The following DYRK1A variants were observed in gnomAD, a reference collection of about 807,000 sequenced individuals.
The protein encoded by DYRK1A is dual specificity tyrosine-phosphorylation-regulated kinase 1A.
A neutral mutation model predicts 79.7 loss-of-function variants in DYRK1A; 9 were observed. The ratio of observed to expected loss-of-function variants is 0.11; its 90% CI spans 0.07 to 0.20. The LOEUF (loss-of-function observed/expected upper bound fraction) is 0.20. DYRK1A is among the 10% of genes least tolerant of loss of function. The pLI is 1.00. For synonymous variants in DYRK1A, 349 were observed against 329.7 expected (o/e 1.06, Z -0.63); for missense variants, 622 against 956.0 (o/e 0.65, Z 4.61).
chr21:37,503,160 C>T (rs1461449374), intron 9 of DYRK1A: 1 of 152,098 alleles, frequency 6.6e-6, no homozygotes, highest in African/African-American at 2.4e-5. Flanking sequence ...GTGGGTTGAT[C>T]TCTATCATCA....
At chr21:37,442,061 C>T (rs2051123605) in intron 2 of DYRK1A, among the ~76,000 whole-genome samples, 1 of 151,146 alleles carries the variant, frequency 6.6e-6, no homozygotes, top group African/African-American at 2.4e-5. Flanking sequence ...CATCTGCTCT[C>T]TCGCATTGTT....
rs1954255327 is a variant in DYRK1A, at chr21:37,519,396, A to G, written c.*6865A>G. The G allele has an allele frequency of 6.6e-6, 1 of 152,250 alleles. No individual in the cohort carries two copies. The highest frequency in any genetic ancestry group is 2.4e-5 in the African/African-American group (1 of 41,456). The allele number at this position is 152,250 out of a possible 1,614,324, so 9.4% of individuals were successfully genotyped here. On this transcript the variant is annotated 3_prime_UTR_variant, in exon 12 of 12. Transcript: ENST00000647188. ...ACTGTCCGCTTTGTACAATGGAGAT[A>G]CCTATAGTGTCCACTTAGGAGATGC...
chr21:37,517,330 G>A lies in DYRK1A; in HGVS notation c.*4799G>A, dbSNP rs902333974. ...GGGAGGCCGGGCGATGCTGGCATGG[G>A]TGTGGTTGGCCGAGTTCTCATAGCT... On this transcript the variant is annotated 3_prime_UTR_variant, in exon 12 of 12. Transcript: ENST00000647188. 2 of 152,324 alleles carry A rather than the reference G, an allele frequency of 1.3e-5. No homozygotes were observed. Among genetic ancestry groups the A allele is most frequent in the African/African-American group, 4.8e-5 (2 of 41,458 alleles). The allele number at this position is 152,324 out of a possible 1,614,324, so 9.4% of individuals were successfully genotyped here.
chr21:37,501,705 A>G (rs1280810519), intron 9 of DYRK1A: 1 of 152,168 alleles, frequency 6.6e-6, no homozygotes. Flanking sequence ...TGTGTGCTTG[A>G]TAAGAATTGT....
intron 3 of DYRK1A, among the ~76,000 whole-genome samples, chr21:37,474,345 C>T: frequency 6.6e-6 from 1 of 152,274 alleles, no homozygotes; most frequent in Middle Eastern, 3.4e-3. Context: ...ATTTCACTTA[C>T]TATTTCTGTT....
intron 2 of DYRK1A, among the ~76,000 whole-genome samples, chr21:37,458,299 T>TGTGTGTGTGTGTGTGTGTGTGTGTGC (rs886271557): frequency 3.3e-5 from 5 of 151,570 alleles, no homozygotes; most frequent in African/African-American, 1.2e-4. Context: ...TGTGTGTGTG[T>TGTGTGTGTGTGTGTGTGTGTGTGTGC]GTGTGTGTAC....
intron 2 of DYRK1A, among the ~76,000 whole-genome samples, chr21:37,453,229 C>T (rs1051809189): frequency 1.3e-5 from 2 of 152,200 alleles, no homozygotes; most frequent in Non-Finnish European, 2.9e-5. Context: ...AGGTATTTTA[C>T]ATTTTATGTT....
At chr21:37,497,894 G>A (rs1052775362) in intron 9 of DYRK1A, among the ~76,000 whole-genome samples, 2 of 151,986 alleles carry the variant, frequency 1.3e-5, no homozygotes, top group East Asian at 1.9e-4. Context: ...TATTTTAGTC[G>A]CACTTAGCAA....
At chr21:37,482,147 C>T (rs1386358561) in intron 5 of DYRK1A, among the ~76,000 whole-genome samples, 2 of 152,140 alleles carry the variant, frequency 1.3e-5, no homozygotes, top group African/African-American at 4.8e-5. Flanking sequence ...TGTTCCTGCC[C>T]TGAGAGAACA....
intron 2 of DYRK1A, chr21:37,464,301 C>T (rs563921449): frequency 4.0e-6 from 2 of 500,976 alleles, no homozygotes; most frequent in African/African-American, 3.9e-5. Context: ...AATATGGTCT[C>T]TAGTTATTAT....
chr21:37,394,223 A>G (rs2049920036), intron 1 of DYRK1A, among the ~76,000 whole-genome samples: 1 of 124,262 alleles, frequency 8.0e-6, no homozygotes, highest in Admixed American at 8.1e-5. Context: ...TTTTTTTTAA[A>G]CCCTTTTTTT....
chr21:37,381,125 T>G (rs1006948975), intron 1 of DYRK1A, among the ~76,000 whole-genome samples: 32 of 152,240 alleles, frequency 2.1e-4, no homozygotes, highest in African/African-American at 7.7e-4. Flanking sequence ...GCTTGGCACA[T>G]AGTAAACACT....
chr21:37,479,623 T>TTGTTTTTG (rs1555979765), intron 4 of DYRK1A, among the ~76,000 whole-genome samples: 7 of 106,590 alleles, frequency 6.6e-5, no homozygotes, highest in African/African-American at 3.0e-4. Context: ...TTTTTTGTTT[T>TTGTTTTTG]TTTTTTTTTT....
At chr21:37,449,193 G>A (rs1294989822) in intron 2 of DYRK1A, among the ~76,000 whole-genome samples, 1 of 152,166 alleles carries the variant, frequency 6.6e-6, no homozygotes, top group African/African-American at 2.4e-5. Context: ...GCTGAGAAAT[G>A]ACATTTAATT....
intron 1 of DYRK1A, among the ~76,000 whole-genome samples, chr21:37,395,535 T>C (rs1278342232): frequency 2.6e-5 from 4 of 152,186 alleles, no homozygotes; most frequent in Non-Finnish European, 5.9e-5. Context: ...TTAATTTCCC[T>C]TGTTAAGAAT....
At chr21:37,434,499 A>G (rs181212895) in intron 2 of DYRK1A, among the ~76,000 whole-genome samples, 8 of 152,306 alleles carry the variant, frequency 5.3e-5, no homozygotes, top group African/African-American at 1.2e-4. Context: ...CTTTAAAACT[A>G]TCTTTGTAGC....
In DYRK1A at chr21:37,518,392, C is replaced by G. The variant is rs983056554; in HGVS notation, c.*5861C>G. The G allele has an allele frequency of 6.6e-6, 1 of 152,260 alleles. No homozygotes were observed. Among genetic ancestry groups the G allele is most frequent in the East Asian group, 1.9e-4 (1 of 5,180 alleles). The allele number at this position is 152,260 out of a possible 1,614,324, so 9.4% of individuals were successfully genotyped here. A position where few individuals can be genotyped will look rare whatever the true frequency, so the allele number is the denominator to read the frequency against. ...CGCAAACTGCTCAATCGGTACTCAT[C>G]AATTTAAAATGACTGTCCAGCCTTG... On this transcript the variant is annotated 3_prime_UTR_variant, in exon 12 of 12. Coordinates refer to ENST00000647188, the MANE Select transcript of DYRK1A (RefSeq NM_001347721.2).
intron 1 of DYRK1A, among the ~76,000 whole-genome samples, chr21:37,376,213 T>G (rs1277178899): frequency 6.6e-6 from 1 of 151,912 alleles, no homozygotes; most frequent in African/African-American, 2.4e-5. Context: ...CTGAGAAAAA[T>G]GAAGGGTATG....
intron 11 of DYRK1A, among the ~76,000 whole-genome samples, chr21:37,510,545 G>A (rs1393720641): frequency 3.3e-5 from 5 of 152,216 alleles, no homozygotes; most frequent in Non-Finnish European, 7.3e-5. Context: ...GAGAAAGACT[G>A]TTTGTTGGAT....
Sources: allele counts gnomAD v4.1 joint callset (sites outside exome capture counted in the v4.1 genomes callset), GRCh38; gene constraint gnomAD v4.1.1; transcripts MANE v1.5; gene names NCBI Gene and HGNC (gene_info 2026-07-23, HGNC 2026-07-21).